The following SLC27A4 variants were observed in gnomAD, a reference collection of about 807,000 sequenced individuals.
The protein encoded by SLC27A4 is solute carrier family 27 member 4, also known as long-chain fatty acid transport protein 4.
A neutral mutation model predicts 64.4 loss-of-function variants in SLC27A4; 33 were observed. The observed-to-expected ratio is 0.51, with a 90% CI of 0.39 to 0.68. The LOEUF (loss-of-function observed/expected upper bound fraction) is 0.68. Among genes scored for constraint, SLC27A4 ranks in the 30% least tolerant of loss-of-function variants. SLC27A4 has a pLI of 0.00. For missense variants in SLC27A4, 824 were observed against 883.5 expected (o/e 0.93, Z 0.85); for synonymous variants, 377 against 370.0 (o/e 1.02, Z -0.22).
Position 128,343,166 on chromosome 9 carries a change from C to G in SLC27A4, c.34C>G (p.Leu12Val). The G allele has an allele frequency of 1.2e-6, 2 of 1,614,058 alleles. No homozygotes were observed. The highest frequency in any genetic ancestry group is 1.7e-6 in the Non-Finnish European group (2 of 1,179,990). ...LLGASLVGVL[L>V]FSKLVLKLPW... Reference sequence around the variant, plus strand: ...TGGAGCCTCTCTGGTGGGGGTGCTGCTGTTCTCCAAGCTGGTGCTGAAACT... The same window carrying G: ...TGGAGCCTCTCTGGTGGGGGTGCTGGTGTTCTCCAAGCTGGTGCTGAAACT... The change falls in exon 2 of 13, where the codon CTG becomes GTG. Residue 12 changes from leucine (L) to valine (V), a missense_variant. Leu to Val is a conservative substitution (Grantham distance 32). Transcript: ENST00000300456.
At chr9:128,342,054 TCAGTACCCACCCC>T (rs1359356111) in intron 1 of SLC27A4, 2 of 593,570 alleles carry the variant, frequency 3.4e-6, no homozygotes, top group African/African-American at 1.9e-5. Context: ...GGCTCTTAAG[TCAGTACCCACCCC>T]CAGGCCATCC....
In SLC27A4 at chr9:128,340,804, C is replaced by T. The variant is rs1208808874; in HGVS notation, c.-41C>T. The T allele has an allele frequency of 1.5e-6, 1 of 687,610 alleles. No individual in the cohort carries two copies. Among genetic ancestry groups the T allele is most frequent in the South Asian group, 1.5e-5 (1 of 65,296 alleles). 42.6% of individuals were successfully genotyped at this position (687,610 alleles called of 1,614,324 possible). ...CTACGCTGCTGCAACCGGGCCGCATCTGGACGGGGCGCCGCGCGGCGGAGC... is the reference window on the plus strand; with the variant it reads ...CTACGCTGCTGCAACCGGGCCGCATTTGGACGGGGCGCCGCGCGGCGGAGC... On this transcript the variant is annotated 5_prime_UTR_variant, in exon 1 of 13. Transcript: ENST00000300456.
chr9:128,352,825 T>G (rs1319169398), intron 7 of SLC27A4, 78 bp downstream of exon 7: 2 of 1,235,086 alleles, frequency 1.6e-6, no homozygotes, highest in African/African-American at 3.0e-5. Flanking sequence ...GGCATCTGTC[T>G]TATAGCTGAG....
At chr9:128,360,027 CG>C (rs1832875028) in intron 12 of SLC27A4, among the ~76,000 whole-genome samples, 1 of 152,148 alleles carries the variant, frequency 6.6e-6, no homozygotes, top group Non-Finnish European at 1.5e-5. Flanking sequence ...AGAAGACCTC[CG>C]TTCTGGTCCC....
chr9:128,360,257 T>A, intron 12 of SLC27A4, 77 bp from the exon 13 acceptor site: 1 of 1,525,826 alleles, frequency 6.6e-7, no homozygotes, highest in Non-Finnish European at 9.1e-7. Context: ...GCTCCCTGCC[T>A]TCCTCAGTAC....
At chr9:128,347,848 C>A (rs1269670749) in intron 3 of SLC27A4, among the ~76,000 whole-genome samples, 3 of 149,234 alleles carry the variant, frequency 2.0e-5, no homozygotes, top group Non-Finnish European at 4.4e-5. Context: ...TATAGTGAGA[C>A]CCTGTCTGTC....
At chr9:128,343,893 C>T (rs780933114) in intron 2 of SLC27A4, among the ~76,000 whole-genome samples, 12 of 152,236 alleles carry the variant, frequency 7.9e-5, no homozygotes, top group African/African-American at 1.9e-4. Context: ...GAAAGGGACA[C>T]AGCACATCTG....
rs114637224 is a variant in SLC27A4 at position 128,345,072 on chromosome 9, C to T, written c.162-83C>T. On this transcript the variant is annotated intron_variant, in intron 2 of 12. Transcript: ENST00000300456. The surrounding 1 kb of genome is among the most constrained non-coding windows in gnomAD (Gnocchi z 4.1). ...GTCTGGCTCATGAAGCATAGGCTGG[C>T]GAGGCAGCAGCCTGGGGTAGGGTGT... 19 of 1,556,050 alleles carry T rather than the reference C, an allele frequency of 1.2e-5. No individual in the cohort carries two copies. Among genetic ancestry groups the T allele is most frequent in the African/African-American group, 9.5e-5 (7 of 74,000 alleles).
chr9:128,355,235 G>A (rs538337739), intron 10 of SLC27A4, 45 bp downstream of exon 10: 7 of 1,608,232 alleles, frequency 4.4e-6, no homozygotes, highest in Non-Finnish European at 3.4e-6. Flanking sequence ...GGTTGGGGGA[G>A]GAGGGGACCT....
rs528814121 is a variant in SLC27A4 at position 128,345,610 on chromosome 9, C to T, written c.556+61C>T. 8.8e-4 allele frequency: 1,325 copies of T among 1,509,426 alleles called. No homozygotes were observed. The highest frequency in any genetic ancestry group is 1.1e-3 in the Non-Finnish European group (1,246 of 1,131,306). 93.5% of individuals were successfully genotyped at this position (1,509,426 alleles called of 1,614,324 possible). A position where few individuals can be genotyped will look rare whatever the true frequency, so the allele number is the denominator to read the frequency against. On this transcript the variant is annotated intron_variant, in intron 3 of 12. Coordinates refer to ENST00000300456, the MANE Select transcript of SLC27A4 (RefSeq NM_005094.4). This position sits in a 1 kb window ranked among gnomAD's most constrained non-coding sequence, Gnocchi z 4.1. Reference sequence around the variant, plus strand: ...CCATGGGATCTTACACAGACCACAGCTCCCTTCCAGCCCTGCCAAGGCTGT... The same window carrying T: ...CCATGGGATCTTACACAGACCACAGTTCCCTTCCAGCCCTGCCAAGGCTGT...
intron 6 of SLC27A4, among the ~76,000 whole-genome samples, chr9:128,352,017 T>A: frequency 6.7e-6 from 1 of 148,392 alleles, no homozygotes; most frequent in Non-Finnish European, 1.5e-5. Context: ...AAACCCCATC[T>A]CTACTAAAAA....
intron 1 of SLC27A4, chr9:128,342,249 T>A: frequency 6.2e-7 from 1 of 1,610,682 alleles, no homozygotes; most frequent in Non-Finnish European, 8.5e-7. Context: ...ACAAACCCGA[T>A]ATGGCTGAGA....
At chr9:128,342,694 T>G (rs1022985669) in intron 1 of SLC27A4, 8 of 344,458 alleles carry the variant, frequency 2.3e-5, no homozygotes, top group South Asian at 3.1e-5. Flanking sequence ...CATTTTTTTT[T>G]TTGTTCAAAT....
At chr9:128,342,068 C>T (rs957297311) in intron 1 of SLC27A4, 16 of 632,884 alleles carry the variant, frequency 2.5e-5, no homozygotes, top group African/African-American at 3.7e-5. Context: ...TACCCACCCC[C>T]AGGCCATCCG....
intron 12 of SLC27A4, among the ~76,000 whole-genome samples, chr9:128,357,488 A>C (rs1342058231): frequency 6.6e-6 from 1 of 152,134 alleles, no homozygotes; most frequent in Admixed American, 6.5e-5. Context: ...CTCATGCTCT[A>C]CAAAGCTCTC....
At chr9:128,360,236 C>A in intron 12 of SLC27A4, 98 bp from the exon 13 acceptor site, 1 of 1,360,424 alleles carries the variant, frequency 7.4e-7, no homozygotes, top group Non-Finnish European at 1.1e-6. Flanking sequence ...CCCTGTTTGT[C>A]CTCCAGCCCT....
At chr9:128,350,230 C>A in intron 4 of SLC27A4, 82 bp from the exon 5 acceptor site, 1 of 1,102,500 alleles carries the variant, frequency 9.1e-7, no homozygotes, top group Non-Finnish European at 1.4e-6. Flanking sequence ...TTGAAGGGTG[C>A]ACACCTGCAG....
At chr9:128,356,405 G>A (rs1237185294) in intron 12 of SLC27A4, among the ~76,000 whole-genome samples, 1 of 152,246 alleles carries the variant, frequency 6.6e-6, no homozygotes, top group African/African-American at 2.4e-5. Flanking sequence ...GGCAGGCAGT[G>A]GCATGAAGTG....
intron 1 of SLC27A4, chr9:128,342,175 G>A: frequency 3.6e-6 from 5 of 1,379,298 alleles, no homozygotes; most frequent in South Asian, 1.2e-5. Context: ...GGTGGCCACT[G>A]CGCAGACCAG....
Sources: allele counts gnomAD v4.1 joint callset (sites outside exome capture counted in the v4.1 genomes callset), GRCh38; gene constraint gnomAD v4.1.1; non-coding constraint Gnocchi (gnomAD v3.1); transcripts MANE v1.5; gene names NCBI Gene and HGNC (gene_info 2026-07-23, HGNC 2026-07-21).